NAALADL2: variants seen among roughly 807,000 people sequenced by gnomAD.
NAALADL2 encodes the protein N-acetylated alpha-linked acidic dipeptidase like 2, also known as inactive N-acetylated-alpha-linked acidic dipeptidase-like protein 2.
Under a neutral mutation model 87.2 loss-of-function variants are expected in NAALADL2, and 76 were observed. The ratio of observed to expected loss-of-function variants is 0.87; its 90% CI spans 0.72 to 1.05. The LOEUF is 1.05. Ranked by LOEUF, NAALADL2 falls within the 50% of genes least tolerant of loss-of-function variation. NAALADL2 has a pLI of 0.00. For missense variants in NAALADL2, 1,089 were observed against 945.8 expected, an observed-to-expected ratio of 1.15 and a Z score of -1.99; for synonymous variants, 354 against 331.0, an observed-to-expected ratio of 1.07 and a Z score of -0.75.
chr3:175,006,691 G>A (rs1749072799), intron 1 of NAALADL2, among the ~76,000 whole-genome samples: 1 of 151,452 alleles, frequency 6.6e-6, no homozygotes, highest in African/African-American at 2.4e-5. Flanking sequence ...GGGCCCTTGA[G>A]GTTTTTAACA....
intron 1 of NAALADL2, among the ~76,000 whole-genome samples, chr3:174,878,065 T>G (rs1164358677): frequency 6.6e-6 from 1 of 152,092 alleles, no homozygotes; most frequent in East Asian, 1.9e-4. Context: ...GTGATATACA[T>G]GGACCTCTAA....
At chr3:174,955,564 A>C (rs995885034) in intron 1 of NAALADL2, among the ~76,000 whole-genome samples, 1 of 152,074 alleles carries the variant, frequency 6.6e-6, no homozygotes, top group African/African-American at 2.4e-5. Flanking sequence ...TGGCAGAACA[A>C]TGCTTGTCTG....
At chr3:174,568,205 A>G (rs1714517040) in intron 2 of NAALADL2, among the ~76,000 whole-genome samples, 1 of 151,836 alleles carries the variant, frequency 6.6e-6, no homozygotes, top group Non-Finnish European at 1.5e-5. Flanking sequence ...CTATTTATTG[A>G]TATCACAAAT....
chr3:175,655,078 A>G lies in NAALADL2; in HGVS notation c.1896+27692A>G, dbSNP rs559390325. Among the ~76,000 whole-genome samples, 118 of 152,258 alleles carry G rather than the reference A, an allele frequency of 7.7e-4. No homozygotes were observed. In the Middle Eastern group the frequency reaches 0.01, roughly 13 times the overall value. Reference sequence around the variant, plus strand: ...AAATTATTACAATAGGATAGTATGAATTACAGTTAATTTGATGTAGTTATG... The same window carrying G: ...AAATTATTACAATAGGATAGTATGAGTTACAGTTAATTTGATGTAGTTATG... On this transcript the variant is annotated intron_variant, in intron 11 of 13. Coordinates refer to ENST00000454872, the MANE Select transcript of NAALADL2 (RefSeq NM_207015.3).
Position 175,809,515 on chromosome 3 carries a change from A to G in NAALADL2, c.*6312A>G, listed in dbSNP as rs1328340544. The G allele has an allele frequency of 1.5e-5, 1 of 67,308 alleles. No homozygotes were observed. 4.2% of individuals were successfully genotyped at this position (67,308 alleles called of 1,614,324 possible). A position where few individuals can be genotyped will look rare whatever the true frequency, so the allele number is the denominator to read the frequency against. ...AAAGTGAGACCCTGTCTCTCTTAAA[A>G]AAAAAAAAAAAAAAAAAAAAAAAAG... On this transcript the variant is annotated 3_prime_UTR_variant, in exon 14 of 14. Coordinates refer to ENST00000454872, the MANE Select transcript of NAALADL2 (RefSeq NM_207015.3).
intron 2 of NAALADL2, among the ~76,000 whole-genome samples, chr3:175,164,277 G>A (rs1276324563): frequency 3.3e-5 from 5 of 150,176 alleles, no homozygotes; most frequent in Admixed American, 6.7e-5. Flanking sequence ...GTATATATGT[G>A]TATATATATA....
chr3:174,793,826 A>G (rs1717755728), intron 3 of NAALADL2, among the ~76,000 whole-genome samples: 1 of 150,786 alleles, frequency 6.6e-6, no homozygotes, highest in South Asian at 2.1e-4. Flanking sequence ...TTTTCTTTTC[A>G]GATCTCATCA....
chr3:174,550,543 A>ATT (rs570319502), intron 1 of NAALADL2: 1 of 151,954 alleles, frequency 6.6e-6, no homozygotes, highest in African/African-American at 2.4e-5. Flanking sequence ...TAAATAAGCA[A>ATT]TTTTTTTTCC....
intron 1 of NAALADL2, among the ~76,000 whole-genome samples, chr3:174,930,280 T>C: frequency 6.6e-6 from 1 of 152,128 alleles, no homozygotes; most frequent in African/African-American, 2.4e-5. Flanking sequence ...TATATATTAT[T>C]CCCTGTGATT....
chr3:175,360,810 C>CTGTGTGTGTGTGTGTG (rs746890254), intron 5 of NAALADL2, among the ~76,000 whole-genome samples: 2 of 109,786 alleles, frequency 1.8e-5, no homozygotes, highest in Non-Finnish European at 3.6e-5. Flanking sequence ...TAATATTCCA[C>CTGTGTGTGTGTGTGTG]TGTGTGTGTG....
At chr3:175,398,200 T>C (rs1770061403) in intron 5 of NAALADL2, among the ~76,000 whole-genome samples, 1 of 151,986 alleles carries the variant, frequency 6.6e-6, no homozygotes, top group South Asian at 2.1e-4. Flanking sequence ...GCAAGTTAGA[T>C]TTCCTGGTGA....
chr3:174,890,903 T>A (rs1237692301), intron 1 of NAALADL2, among the ~76,000 whole-genome samples: 1 of 152,246 alleles, frequency 6.6e-6, no homozygotes, highest in South Asian at 2.1e-4. Flanking sequence ...AAAAGTTTTT[T>A]CTGGCCATTA....
chr3:175,439,731 C>CTTTTTTTTTTTTTTTT (rs535237866), intron 5 of NAALADL2, among the ~76,000 whole-genome samples: 3 of 113,784 alleles, frequency 2.6e-5, no homozygotes, highest in Non-Finnish European at 3.6e-5. Flanking sequence ...GTTTTTTTTT[C>CTTTTTTTTTTTTTTTT]TTTTTTTTCT....
chr3:174,795,561 T>C (rs1000943784), intron 3 of NAALADL2, among the ~76,000 whole-genome samples: 3 of 152,124 alleles, frequency 2.0e-5, no homozygotes, highest in Non-Finnish European at 4.4e-5. Context: ...TATTTAGGAG[T>C]AGAATTGTTG....
intron 11 of NAALADL2, among the ~76,000 whole-genome samples, chr3:175,694,089 T>C (rs1157259761): frequency 2.0e-5 from 3 of 152,220 alleles, no homozygotes; most frequent in South Asian, 2.1e-4. Flanking sequence ...CTTCATAGTA[T>C]AGTAATGTTT....
chr3:174,589,456 A>G lies in NAALADL2; in HGVS notation c.-115+38819A>G, dbSNP rs182413767. Reference sequence around the variant, plus strand: ...AAATCACCCATCTTCTGCGTCGCTTATGCTGGGAGCTGTAGACTGGAGCTG... The same window carrying G: ...AAATCACCCATCTTCTGCGTCGCTTGTGCTGGGAGCTGTAGACTGGAGCTG... On this transcript the variant is annotated intron_variant, in intron 2 of 3. Transcript: ENST00000434257. Among the ~76,000 whole-genome samples, 124 of 152,278 alleles carry G rather than the reference A, an allele frequency of 8.1e-4. 1 individual carries two copies. Among genetic ancestry groups the G allele is most frequent in the African/African-American group, 2.8e-3 (115 of 41,568 alleles).
At chr3:174,702,772 A>G (rs981035683) in intron 2 of NAALADL2, among the ~76,000 whole-genome samples, 1 of 152,190 alleles carries the variant, frequency 6.6e-6, no homozygotes. Flanking sequence ...ATCTTATGAG[A>G]CCACTCTTGT....
At chr3:174,712,452 A>C (rs1486909560) in intron 2 of NAALADL2, among the ~76,000 whole-genome samples, 2 of 118,984 alleles carry the variant, frequency 1.7e-5, no homozygotes, top group African/African-American at 6.6e-5. Flanking sequence ...CAATGGCGTG[A>C]TCTTGGCTCA....
At chr3:174,468,368 TTC>T (rs1410881517) in intron 1 of NAALADL2, among the ~76,000 whole-genome samples, 1 of 149,242 alleles carries the variant, frequency 6.7e-6, no homozygotes, top group Non-Finnish European at 1.5e-5. Flanking sequence ...TTCATTTTCT[TTC>T]TTTCTTTCTT....
Sources: gnomAD v4.1 joint callset for allele counts (sites outside exome capture counted in the v4.1 genomes callset) on GRCh38, gnomAD v4.1.1 for gene constraint, MANE v1.5 for transcripts, NCBI Gene and HGNC (gene_info 2026-07-23, HGNC 2026-07-21) for gene names.